WWP2: variants seen among roughly 807,000 people sequenced by gnomAD.
WWP2 encodes NEDD4-like E3 ubiquitin-protein ligase WWP2.
WWP2 carries 57 observed loss-of-function variants against 121.0 expected under a neutral mutation model. That is an observed-to-expected ratio of 0.47 (90% CI 0.38 to 0.59). The LOEUF (loss-of-function observed/expected upper bound fraction) is 0.59, where lower values mean the gene tolerates loss of function less well. Ranked by LOEUF, WWP2 falls within the 20% of genes least tolerant of loss-of-function variation. The pLI, the probability that WWP2 is intolerant of heterozygous loss-of-function variation, is 0.00. For missense variants in WWP2, 962 were observed against 1,158.9 expected, an observed-to-expected ratio of 0.83 and a Z score of 2.47; for synonymous variants, 449 against 441.3, an observed-to-expected ratio of 1.02 and a Z score of -0.22.
At chr16:69,884,597 C>T (rs1456082466) in intron 7 of WWP2, among the ~76,000 whole-genome samples, 1 of 152,162 alleles carries the variant, frequency 6.6e-6, no homozygotes, top group African/African-American at 2.4e-5. Flanking sequence ...CACTGCACTC[C>T]AGCCTGGGTG....
At chr16:69,921,046 C>T (rs2151977208) in intron 10 of WWP2, among the ~76,000 whole-genome samples, 1 of 152,280 alleles carries the variant, frequency 6.6e-6, no homozygotes, top group South Asian at 2.1e-4. Context: ...AAAAATTCTT[C>T]TTTCTGAGTA....
chr16:69,776,071 A>T (rs1256371126), intron 1 of WWP2: 1 of 152,264 alleles, frequency 6.6e-6, no homozygotes, highest in Admixed American at 6.5e-5. Flanking sequence ...TTGGTGTGAC[A>T]GCAAAGTATG....
chr16:69,904,201 T>C (rs1305015089), intron 8 of WWP2, among the ~76,000 whole-genome samples: 1 of 152,224 alleles, frequency 6.6e-6, no homozygotes, highest in African/African-American at 2.4e-5. Flanking sequence ...AGAAGGTATT[T>C]GGAGAATTGC....
At chr16:69,836,163 A>C (rs2056873687) in intron 4 of WWP2, among the ~76,000 whole-genome samples, 1 of 152,134 alleles carries the variant, frequency 6.6e-6, no homozygotes, top group Non-Finnish European at 1.5e-5. Context: ...AACATCATCT[A>C]ATATTCAGTT....
chr16:69,778,186 A>AT lies in WWP2; in HGVS notation c.-15-8809dup, dbSNP rs1372388909. Among the ~76,000 whole-genome samples the AT allele has an allele frequency of 4.4e-5, 4 of 90,266 alleles. No individual in the cohort carries two copies. The East Asian group carries it at 1.5e-3, about 34-fold the overall frequency. 59.2% of individuals were successfully genotyped at this position (90,266 alleles called of 152,430 possible). ...ATACTATAAATAAATATATATATAT[A>AT]TATATATTTTTTTTTTTTTGAGAAA... On this transcript the variant is annotated intron_variant, in intron 1 of 23. Coordinates refer to ENST00000359154, the MANE Select transcript of WWP2 (RefSeq NM_001270454.2).
At chr16:69,779,804 T>C (rs1194385351) in intron 1 of WWP2, among the ~76,000 whole-genome samples, 1 of 152,202 alleles carries the variant, frequency 6.6e-6, no homozygotes, top group Non-Finnish European at 1.5e-5. Flanking sequence ...CCCTGTTAAC[T>C]AAAAGCCCCA....
chr16:69,836,066 G>A (rs2056871899), intron 4 of WWP2, among the ~76,000 whole-genome samples: 1 of 152,122 alleles, frequency 6.6e-6, no homozygotes, highest in East Asian at 1.9e-4. Context: ...GCCTCCCAAA[G>A]TGCTGGGATT....
At chr16:69,863,436 C>G (rs1367130739) in intron 6 of WWP2, among the ~76,000 whole-genome samples, 1 of 151,910 alleles carries the variant, frequency 6.6e-6, no homozygotes, top group African/African-American at 2.4e-5. Flanking sequence ...GTCAGGACTT[C>G]AAGACCAGCC....
rs146774694 is a variant in WWP2 at position 69,864,107 on chromosome 16, TA to T, written c.576-7695del. Among the ~76,000 whole-genome samples the T allele has an allele frequency of 8.5e-3, 1,298 of 152,294 alleles. 21 individuals carry two copies. The highest frequency in any genetic ancestry group is 0.029 in the African/African-American group (1,206 of 41,566). On this transcript the variant is annotated intron_variant, in intron 6 of 23. Coordinates refer to ENST00000359154, the MANE Select transcript of WWP2 (RefSeq NM_001270454.2). ...GGCCAGGTGTGGTGGCTCATGCCTGTAATCCCAGCACTTTGTTTGGGAGGCC... is the reference window on the plus strand; with the variant it reads ...GGCCAGGTGTGGTGGCTCATGCCTGTATCCCAGCACTTTGTTTGGGAGGCC...
rs7204759 is a variant in WWP2 at position 69,887,183 on chromosome 16, A to G, written c.704-856A>G. ...GTGTTTCACTTCTGTCTCATTGTCT[A>G]TTATCTCAGAGAGAAGACCCTTAGC... On this transcript the variant is annotated intron_variant, in intron 7 of 23. Transcript: ENST00000359154. 9.1e-3 allele frequency among the ~76,000 whole-genome samples: 1,386 copies of G among 152,230 alleles called. 18 individuals carry two copies. The highest frequency in any genetic ancestry group is 0.031 in the African/African-American group (1,304 of 41,544).
chr16:69,894,938 C>T (rs2058085043), intron 8 of WWP2: 1 of 152,242 alleles, frequency 6.6e-6, no homozygotes, highest in African/African-American at 2.4e-5. Context: ...GGACTGCCGA[C>T]TTACTTCAGC....
In WWP2 at chr16:69,798,955, GT is replaced by G. The variant is rs368056509; in HGVS notation, c.218+127del. 288 of 1,439,286 alleles carry G rather than the reference GT, an allele frequency of 2.0e-4. 1 individual carries two copies. In the African/African-American group the frequency reaches 3.8e-3, roughly 19 times the overall value. 89.2% of individuals were successfully genotyped at this position (1,439,286 alleles called of 1,614,324 possible). Reference sequence around the variant, plus strand: ...ACTTTTTCTACCTATGGTACCCAAGGTGACTCTTTTTAGGTGTTCCTACACC... The same window carrying G: ...ACTTTTTCTACCTATGGTACCCAAGGGACTCTTTTTAGGTGTTCCTACACC... On this transcript the variant is annotated intron_variant, in intron 3 of 23. Transcript: ENST00000359154.
At chr16:69,877,262 T>G (rs1259077172) in intron 7 of WWP2, among the ~76,000 whole-genome samples, 1 of 152,226 alleles carries the variant, frequency 6.6e-6, no homozygotes, top group African/African-American at 2.4e-5. Context: ...TCACTTGGAC[T>G]TTTACGCTGT....
intron 10 of WWP2, among the ~76,000 whole-genome samples, chr16:69,923,610 T>G (rs1247724455): frequency 1.3e-5 from 2 of 152,192 alleles, no homozygotes; most frequent in East Asian, 3.8e-4. Context: ...AGGAGAACCC[T>G]GAACGCTTTA....
chr16:69,875,991 G>A, intron 7 of WWP2, among the ~76,000 whole-genome samples: 1 of 151,998 alleles, frequency 6.6e-6, no homozygotes, highest in East Asian at 1.9e-4. Context: ...TTTTGCTCTT[G>A]TTGCCCAGGC....
At chr16:69,905,604 C>G (rs1474179047) in intron 8 of WWP2, among the ~76,000 whole-genome samples, 2 of 152,122 alleles carry the variant, frequency 1.3e-5, no homozygotes, top group African/African-American at 4.8e-5. Flanking sequence ...ACAAAAAATC[C>G]AAAATCTGAA....
At chr16:69,778,748 T>G (rs2055595366) in intron 1 of WWP2, among the ~76,000 whole-genome samples, 1 of 150,810 alleles carries the variant, frequency 6.6e-6, no homozygotes, top group Non-Finnish European at 1.5e-5. Context: ...TTCAAGCAAT[T>G]CTCCTGCCTC....
intron 4 of WWP2, among the ~76,000 whole-genome samples, chr16:69,836,803 A>G (rs1185039794): frequency 6.6e-6 from 1 of 151,950 alleles, no homozygotes; most frequent in Non-Finnish European, 1.5e-5. Context: ...TTTAATAGAG[A>G]CAGGGTCTCA....
At chr16:69,915,744 T>C (rs543759606) in intron 9 of WWP2, among the ~76,000 whole-genome samples, 1 of 152,208 alleles carries the variant, frequency 6.6e-6, no homozygotes, top group East Asian at 1.9e-4. Flanking sequence ...TATATACATA[T>C]GACTTCGGGC....
Sources: gnomAD v4.1 joint callset for allele counts (sites outside exome capture counted in the v4.1 genomes callset) on GRCh38, gnomAD v4.1.1 for gene constraint, MANE v1.5 for transcripts, NCBI Gene and HGNC (gene_info 2026-07-23, HGNC 2026-07-21) for gene names.